The following PXDN variants were observed in gnomAD, a reference collection of about 807,000 sequenced individuals.
PXDN encodes peroxidasin homolog.
A neutral mutation model predicts 140.3 loss-of-function variants in PXDN; 77 were observed. The ratio of observed to expected loss-of-function variants is 0.55; its 90% confidence interval spans 0.46 to 0.66. The LOEUF is 0.66. Ranked by LOEUF, PXDN falls within the 30% of genes least tolerant of loss-of-function variation. PXDN has a pLI of 0.00. For synonymous variants in PXDN, 911 were observed against 857.4 expected (o/e 1.06, Z -1.09); for missense variants, 1,838 against 2,039.5 (o/e 0.90, Z 1.90).
intron 13 of PXDN, among the ~76,000 whole-genome samples, chr2:1,661,432 C>A (rs571438031): frequency 3.9e-5 from 6 of 152,166 alleles, no homozygotes; most frequent in Admixed American, 1.3e-4. Flanking sequence ...CAGAGGCAGA[C>A]GCAGAGGGAC....
intron 3 of PXDN, among the ~76,000 whole-genome samples, chr2:1,691,274 A>G (rs948281359): frequency 6.6e-6 from 1 of 152,196 alleles, no homozygotes; most frequent in African/African-American, 2.4e-5. Context: ...CACCTTTCCA[A>G]TTTTATAGCA....
At chr2:1,657,441 C>A (rs1226162187) in intron 14 of PXDN, among the ~76,000 whole-genome samples, 1 of 151,704 alleles carries the variant, frequency 6.6e-6, no homozygotes, top group Non-Finnish European at 1.5e-5. Flanking sequence ...CTGCCGCCTC[C>A]TGTCAGGGAC....
Position 1,680,199 on chromosome 2 carries a change from T to A in PXDN, c.724A>T (p.Asn242Tyr). The change falls in exon 7 of 23, where the codon AAC becomes TAC. Residue 242 changes from asparagine (N) to tyrosine (Y), a missense_variant. Physicochemically the swap from Asn to Tyr is moderately radical, Grantham distance 143. Around this residue, in one of 5 missense-constraint regions of PXDN, gnomAD observed 208 missense variants for 325.8 expected, o/e 0.64. Transcript: ENST00000252804. ...TGCGTGTCGGGCCACTCACCACAGT[T>A]CAGCTCTTCCGGGGTGATGGTTGCC... ...SVATITPEEL[N>Y]CERPRITSEP... The A allele has an allele frequency of 1.3e-6, 2 of 1,569,052 alleles. No homozygotes were observed. Among genetic ancestry groups the A allele is most frequent in the South Asian group, 2.3e-5 (2 of 85,464 alleles).
intron 21 of PXDN, chr2:1,636,009 A>G (rs376291108): frequency 1.9e-5 from 5 of 256,676 alleles, no homozygotes; most frequent in African/African-American, 9.1e-5. Context: ...TCCTTCCTCA[A>G]ACCCTCTCTT....
At chr2:1,744,754 T>A (rs1685653562), upstream of PXDN, 1 of 255,548 alleles carries the variant, frequency 3.9e-6, no homozygotes, top group Non-Finnish European at 7.3e-6. Flanking sequence ...CGCTCGAGAC[T>A]CGGGGCTCGG....
Position 1,639,459 on chromosome 2 carries a change from A to G in PXDN, c.3953-37T>C, listed in dbSNP as rs1682662847. 2.5e-6 allele frequency: 4 copies of G among 1,612,708 alleles called. No homozygotes were observed. The highest frequency in any genetic ancestry group is 2.5e-6 in the Non-Finnish European group (3 of 1,178,822). On this transcript the variant is annotated intron_variant, in intron 19 of 22. Coordinates refer to ENST00000252804, the MANE Select transcript of PXDN (RefSeq NM_012293.3). The surrounding 1 kb of genome is among the most constrained non-coding windows in gnomAD (Gnocchi z 5.0). The stretch of plus-strand genomic sequence containing the variant: ...GCACAAAGCAGAATGTCAGCTCTGA[A>G]GGCTCTGACCTCGGGGAAATTAAGC...
In PXDN at chr2:1,660,890, T is replaced by C. The variant is rs781079926; in HGVS notation, c.1828A>G (p.Ser610Gly). 1 of 1,611,884 alleles carries C rather than the reference T, an allele frequency of 6.2e-7. No homozygotes were observed. Among genetic ancestry groups the C allele is most frequent in the Non-Finnish European group, 8.5e-7 (1 of 1,178,570 alleles). Residue 610 changes from serine (S) to glycine (G), a missense_variant, in exon 14 of 23, where the codon AGT becomes GGT. Around this residue, in one of 5 missense-constraint regions of PXDN, gnomAD observed 537 missense variants for 583.9 expected, o/e 0.92. Coordinates refer to ENST00000252804, the MANE Select transcript of PXDN (RefSeq NM_012293.3). This position sits in a 1 kb window ranked among gnomAD's most constrained non-coding sequence, Gnocchi z 4.6. ...GCATGTGGCATCTTACCATTCACAC[T>C]GAGCACCATGCTCACCGAGGCCGAC... Reference protein sequence around the residue: ...IGSASVSMVLSVNVPDVSRNG... With the variant: ...IGSASVSMVLGVNVPDVSRNG...
intron 1 of PXDN, among the ~76,000 whole-genome samples, chr2:1,722,367 C>A (rs1336437671): frequency 6.6e-6 from 1 of 152,170 alleles, no homozygotes; most frequent in South Asian, 2.1e-4. Context: ...GCTTGGCAGT[C>A]CCTCTCCCAT....
chr2:1,641,586 C>T lies in PXDN; in HGVS notation c.3952+1782G>A, dbSNP rs530565148. Among the ~76,000 whole-genome samples the T allele has an allele frequency of 2.0e-5, 3 of 152,280 alleles. No individual in the cohort carries two copies. In the South Asian group the frequency reaches 6.2e-4, roughly 32 times the overall value. ...TGGGGTAAAATAAAAACAGGTAAAGCTTATCAAGTATTCTCTAAGCTGTGT... is the reference window on the plus strand; with the variant it reads ...TGGGGTAAAATAAAAACAGGTAAAGTTTATCAAGTATTCTCTAAGCTGTGT... On this transcript the variant is annotated intron_variant, in intron 19 of 22. Transcript: ENST00000252804.
chr2:1,737,204 C>G (rs918135416), intron 1 of PXDN, among the ~76,000 whole-genome samples: 1 of 152,168 alleles, frequency 6.6e-6, no homozygotes, highest in South Asian at 2.1e-4. Context: ...CTCAGACGCC[C>G]GGAGGACGGC....
At chr2:1,642,484 G>C (rs557280054) in intron 19 of PXDN, among the ~76,000 whole-genome samples, 10 of 152,254 alleles carry the variant, frequency 6.6e-5, no homozygotes, top group Middle Eastern at 3.4e-3. Flanking sequence ...AGATTGCCGG[G>C]TGAGGCCGGG....
Position 1,643,393 on chromosome 2 carries a change from G to C in PXDN, c.3927C>G (p.Leu1309=). ...CTTCACAGCAGTCCTGCCACACCCG[G>C]AGGTCTACCCTGGGGATCTCGTCAC... ...GSCDEIPRVD[L]RVWQDCCEDC... is the part of the protein sequence containing the mutation. Residue 1309 remains leucine (L), a synonymous_variant, in exon 19 of 23, where the codon CTC becomes CTG. Transcript: ENST00000252804. 6.2e-7 allele frequency: 1 copy of C among 1,613,870 alleles called. No individual in the cohort carries two copies. The highest frequency in any genetic ancestry group is 1.3e-5 in the African/African-American group (1 of 75,062).
intron 1 of PXDN, among the ~76,000 whole-genome samples, chr2:1,728,024 C>T (rs1437349305): frequency 6.6e-6 from 1 of 152,216 alleles, no homozygotes; most frequent in Non-Finnish European, 1.5e-5. Context: ...CAGCCTTAAC[C>T]TCCGAGGCTC....
intron 1 of PXDN, among the ~76,000 whole-genome samples, chr2:1,740,817 A>T (rs954127657): frequency 2.0e-5 from 3 of 152,152 alleles, no homozygotes; most frequent in Admixed American, 2.0e-4. Flanking sequence ...AGATGGTGAG[A>T]AAAACTGAGA....
intron 8 of PXDN, chr2:1,676,676 G>A (rs376900084): frequency 5.1e-5 from 27 of 529,852 alleles, no homozygotes; most frequent in South Asian, 3.0e-4. Flanking sequence ...GCAGTGACGC[G>A]TTGCCCAGCC....
chr2:1,638,319 G>C (rs1682624491), intron 21 of PXDN, among the ~76,000 whole-genome samples: 1 of 152,122 alleles, frequency 6.6e-6, no homozygotes, highest in Non-Finnish European at 1.5e-5. Flanking sequence ...TCCTGGGATA[G>C]GAAGGAGAGG....
rs1038231159 is a variant in PXDN at position 1,737,228 on chromosome 2, C to T, written c.200+7028G>A. Reference sequence around the variant, plus strand: ...CCGGAGGACGGCTGCCATTCTTCACCTCGGGCCTCCGGGCTAGTCTCCTTG... The same window carrying T: ...CCGGAGGACGGCTGCCATTCTTCACTTCGGGCCTCCGGGCTAGTCTCCTTG... On this transcript the variant is annotated intron_variant, in intron 1 of 22. Coordinates refer to ENST00000252804, the MANE Select transcript of PXDN (RefSeq NM_012293.3). 7.2e-5 allele frequency among the ~76,000 whole-genome samples: 11 copies of T among 152,316 alleles called. No homozygotes were observed. The East Asian group carries it at 9.7e-4, about 13-fold the overall frequency.
intron 8 of PXDN, chr2:1,676,594 G>A: frequency 2.8e-6 from 1 of 358,396 alleles, no homozygotes. Context: ...GAGCAAACAG[G>A]CTGCTGCCAG....
rs970566387 is a variant in PXDN, at chr2:1,638,914, A to G, written c.4138T>C (p.Ser1380Pro). ...TSAFSTRSDA[S>P]GTNDFREFVL... is the part of the protein sequence containing the mutation. ...AACTCTCTGAAGTCATTTGTCCCAG[A>G]TGCATCTGAGCGTGTGCTGAAGGCT... Residue 1380 changes from serine to proline, a missense_variant, in exon 21 of 23, where the codon TCT becomes CCT. This residue lies in a region of PXDN where 850 missense variants were observed against 894.1 expected (regional missense o/e 0.95). Transcript: ENST00000252804. 1.3e-5 allele frequency: 21 copies of G among 1,613,876 alleles called. No individual in the cohort carries two copies. The highest frequency in any genetic ancestry group is 1.7e-5 in the Non-Finnish European group (20 of 1,179,894).
Sources: gnomAD v4.1 joint callset for allele counts (sites outside exome capture counted in the v4.1 genomes callset) on GRCh38, gnomAD v4.1.1 for gene constraint, gnomAD v4.1.1 regional missense constraint, Gnocchi (gnomAD v3.1) non-coding constraint, MANE v1.5 for transcripts, NCBI Gene and HGNC (gene_info 2026-07-23, HGNC 2026-07-21) for gene names.